NFIL3: variants seen among roughly 807,000 people sequenced by gnomAD.
NFIL3 encodes nuclear factor, interleukin 3 regulated, also known as nuclear factor interleukin-3-regulated protein.
NFIL3 carries 5 observed loss-of-function variants against 10.0 expected under a neutral mutation model. The observed-to-expected ratio is 0.50, with a 90% CI of 0.26 to 1.06. The LOEUF (loss-of-function observed/expected upper bound fraction) is 1.06. NFIL3 is among the 50% of genes least tolerant of loss of function. The pLI is 0.13. For missense variants in NFIL3, 436 were observed against 547.6 expected, an observed-to-expected ratio of 0.80 and a Z score of 2.03; for synonymous variants, 202 against 206.5, an observed-to-expected ratio of 0.98 and a Z score of 0.19.
At chr9:91,449,531 A>C in the NFIL3 span, among the ~76,000 whole-genome samples, 1 of 151,928 alleles carries the variant, frequency 6.6e-6, no homozygotes, top group East Asian at 1.9e-4. Flanking sequence ...ATGTTGAGCC[A>C]CCCTTGTATT....
intron 1 of NFIL3, among the ~76,000 whole-genome samples, chr9:91,420,614 G>A (rs969149968): frequency 2.0e-5 from 3 of 152,176 alleles, no homozygotes; most frequent in Non-Finnish European, 4.4e-5. Context: ...ACTACTGCCT[G>A]TAACAGGAGG....
intron 1 of NFIL3, among the ~76,000 whole-genome samples, 175 bp downstream of exon 1, chr9:91,423,465 G>A (rs1249150556): frequency 6.6e-6 from 1 of 151,918 alleles, no homozygotes; most frequent in Non-Finnish European, 1.5e-5. Flanking sequence ...ATCCTGACAA[G>A]GCAGCAAAAG....
At chr9:91,438,462 T>C in the NFIL3 span, among the ~76,000 whole-genome samples, 1 of 152,204 alleles carries the variant, frequency 6.6e-6, no homozygotes, top group Non-Finnish European at 1.5e-5. Context: ...ATAGGCTATT[T>C]CATTTTGTTG....
intron 1 of NFIL3, among the ~76,000 whole-genome samples, chr9:91,416,510 T>C (rs1163457456): frequency 6.6e-6 from 1 of 152,236 alleles, no homozygotes; most frequent in Non-Finnish European, 1.5e-5. Flanking sequence ...TGTGGTATAT[T>C]AGTCATTGCT....
At chr9:91,467,589 A>C in the NFIL3 span, among the ~76,000 whole-genome samples, 6 of 152,070 alleles carry the variant, frequency 3.9e-5, no homozygotes, top group Non-Finnish European at 2.9e-5. Flanking sequence ...CATAACGTGC[A>C]GGTTTATTAC....
the NFIL3 span, among the ~76,000 whole-genome samples, chr9:91,456,878 A>G: frequency 6.6e-6 from 1 of 152,066 alleles, no homozygotes; most frequent in African/African-American, 2.4e-5. Context: ...ATATGGTGTG[A>G]GGAATGCATT....
At chr9:91,415,887 A>T (rs559203968) in intron 1 of NFIL3, among the ~76,000 whole-genome samples, 1 of 152,298 alleles carries the variant, frequency 6.6e-6, no homozygotes, top group South Asian at 2.1e-4. Context: ...ACAGCCTCCC[A>T]AAGTGCTGGG....
chr9:91,411,496 C>T (rs1038718608), intron 1 of NFIL3, among the ~76,000 whole-genome samples: 2 of 152,110 alleles, frequency 1.3e-5, no homozygotes, highest in African/African-American at 2.4e-5. Flanking sequence ...ACATTAACAA[C>T]GGAGCTGTTG....
rs1356876685 is a variant in NFIL3, at chr9:91,410,586, C to A, written c.149G>T (p.Gly50Val). 2 of 1,614,236 alleles carry A rather than the reference C, an allele frequency of 1.2e-6. No homozygotes were observed. The highest frequency in any genetic ancestry group is 4.5e-5 in the East Asian group (2 of 44,888). ...AGAAGATTTGTTCTTCCCCACACTTCCTTCACTGAGAAGCAGCTCCTCACC... is the reference window on the plus strand; with the variant it reads ...AGAAGATTTGTTCTTCCCCACACTTACTTCACTGAGAAGCAGCTCCTCACC... ...TTGEELLLSE[G>V]SVGKNKSSAC... The change falls in exon 2 of 2, where the codon GGA becomes GTA. Residue 50 changes from glycine (G) to valine (V), a missense_variant. Physicochemically the swap from Gly to Val is moderately radical, Grantham distance 109 (BLOSUM62 -3). Transcript: ENST00000297689. This position sits in a 1 kb window ranked among gnomAD's most constrained non-coding sequence, Gnocchi z 5.7.
chr9:91,476,309 A>C, the NFIL3 span, among the ~76,000 whole-genome samples: 1 of 152,360 alleles, frequency 6.6e-6, no homozygotes, highest in East Asian at 1.9e-4. Flanking sequence ...ACAGTGGCTC[A>C]TGCCTGTAAT....
chr9:91,466,055 A>G, the NFIL3 span, among the ~76,000 whole-genome samples: 9 of 151,830 alleles, frequency 5.9e-5, no homozygotes, highest in Non-Finnish European at 1.3e-4. Flanking sequence ...CTAAAGTCAC[A>G]TGTTTAGATC....
the NFIL3 span, among the ~76,000 whole-genome samples, chr9:91,434,199 G>C: frequency 5.7e-3 from 864 of 152,292 alleles, 9 homozygotes; most frequent in African/African-American, 0.02. Context: ...AGGATCACTG[G>C]AGACCAGGAG....
the NFIL3 span, among the ~76,000 whole-genome samples, chr9:91,472,171 G>A: frequency 2.6e-5 from 4 of 152,026 alleles, no homozygotes; most frequent in Non-Finnish European, 5.9e-5. Context: ...TGAATCTGAC[G>A]ATTATGTGTC....
At chr9:91,472,834 T>C in the NFIL3 span, among the ~76,000 whole-genome samples, 1 of 152,232 alleles carries the variant, frequency 6.6e-6, no homozygotes, top group Non-Finnish European at 1.5e-5. Context: ...TCCCCAGCTT[T>C]GTGGTTTTAT....
At chr9:91,451,577 C>G in the NFIL3 span, among the ~76,000 whole-genome samples, 3 of 152,210 alleles carry the variant, frequency 2.0e-5, no homozygotes, top group East Asian at 3.8e-4. Context: ...CCTGATCACT[C>G]TTTATCTGGA....
At chr9:91,425,467 T>C (rs1392745867), upstream of NFIL3, among the ~76,000 whole-genome samples, 1 of 152,206 alleles carries the variant, frequency 6.6e-6, no homozygotes, top group Non-Finnish European at 1.5e-5. Context: ...GTAGTACAGC[T>C]CTGCTGACAA....
the NFIL3 span, among the ~76,000 whole-genome samples, chr9:91,456,795 T>A: frequency 2.6e-5 from 4 of 152,238 alleles, 1 homozygote; most frequent in Middle Eastern, 6.8e-3. Flanking sequence ...GGTTTTCTCC[T>A]CTACTTTCTT....
the NFIL3 span, among the ~76,000 whole-genome samples, chr9:91,473,645 C>T: frequency 6.6e-6 from 1 of 152,236 alleles, no homozygotes; most frequent in South Asian, 2.1e-4. Context: ...AGGGAATTCC[C>T]CCTGACTCCT....
At chr9:91,423,219 C>A (rs554565216) in intron 1 of NFIL3, among the ~76,000 whole-genome samples, 22 of 152,174 alleles carry the variant, frequency 1.4e-4, no homozygotes, top group Non-Finnish European at 2.6e-4. Context: ...TCCTCTCCCC[C>A]CTACGCCGCC....
Sources: allele counts gnomAD v4.1 joint callset (sites outside exome capture counted in the v4.1 genomes callset), GRCh38; gene constraint gnomAD v4.1.1; non-coding constraint Gnocchi (gnomAD v3.1); transcripts MANE v1.5; gene names NCBI Gene and HGNC (gene_info 2026-07-23, HGNC 2026-07-21).